The following ADAMTS17 variants were observed in gnomAD, a reference collection of about 807,000 sequenced individuals.
ADAMTS17 encodes the protein A disintegrin and metalloproteinase with thrombospondin motifs 17.
Under a neutral mutation model 141.5 loss-of-function variants are expected in ADAMTS17, and 113 were observed. The ratio of observed to expected loss-of-function variants is 0.80; its 90% CI spans 0.69 to 0.93. ADAMTS17 has a LOEUF of 0.93. Ranked by LOEUF, ADAMTS17 falls within the 40% of genes least tolerant of loss-of-function variation. The pLI, the probability that ADAMTS17 is intolerant of heterozygous loss-of-function variation, is 0.00. For synonymous variants in ADAMTS17, 768 were observed against 630.6 expected (o/e 1.22, Z -3.27); for missense variants, 1,659 against 1,517.9 (o/e 1.09, Z -1.54).
At position 99,972,036 on chromosome 15, in the gene ADAMTS17, G is replaced by C. The variant is rs1233354835; in HGVS notation, c.*2366C>G. The C allele has an allele frequency of 6.6e-6, 1 of 152,254 alleles. No individual in the cohort carries two copies. Among genetic ancestry groups the C allele is most frequent in the Non-Finnish European group, 1.5e-5 (1 of 68,076 alleles). The allele number at this position is 152,254 out of a possible 1,614,324, so 9.4% of individuals were successfully genotyped here. A position where few individuals can be genotyped will look rare whatever the true frequency, so the allele number is the denominator to read the frequency against. The stretch of plus-strand genomic sequence containing the variant: ...GAAGGCTGAGGCGGGTGGATCATGA[G>C]GTCAGGAGATCGAGACCATCCTGGC... On this transcript the variant is annotated 3_prime_UTR_variant, in exon 22 of 22. Transcript: ENST00000268070.
intron 8 of ADAMTS17, among the ~76,000 whole-genome samples, chr15:100,179,677 G>C (rs2040457983): frequency 1.3e-5 from 2 of 152,122 alleles, no homozygotes; most frequent in South Asian, 4.1e-4. Flanking sequence ...TATGAGGGTT[G>C]CCTTTTTTCC....
intron 3 of ADAMTS17, among the ~76,000 whole-genome samples, chr15:100,282,127 C>T (rs551604515): frequency 1.5e-4 from 23 of 152,302 alleles, no homozygotes; most frequent in African/African-American, 5.5e-4. Context: ...CCAAATCTGC[C>T]ATAGTCTTTG....
chr15:100,056,483 A>G (rs2032580885), intron 15 of ADAMTS17, among the ~76,000 whole-genome samples: 1 of 152,140 alleles, frequency 6.6e-6, no homozygotes, highest in African/African-American at 2.4e-5. Context: ...GAAACTTTCC[A>G]CCTCAGATCA....
intron 7 of ADAMTS17, among the ~76,000 whole-genome samples, chr15:100,232,380 G>A (rs1231647962): frequency 1.3e-5 from 2 of 152,304 alleles, no homozygotes; most frequent in African/African-American, 4.8e-5. Context: ...CCCGGGTATC[G>A]ACCCATCATC....
At chr15:100,281,427 C>G in intron 3 of ADAMTS17, 26 bp from the exon 4 acceptor site, 1 of 1,604,744 alleles carries the variant, frequency 6.2e-7, no homozygotes, top group Non-Finnish European at 8.5e-7. Flanking sequence ...AACATTTGTG[C>G]GGTCCTTGGC....
At chr15:100,222,742 C>T (rs2042173265) in intron 7 of ADAMTS17, among the ~76,000 whole-genome samples, 1 of 152,224 alleles carries the variant, frequency 6.6e-6, no homozygotes, top group South Asian at 2.1e-4. Flanking sequence ...TGCAGTATGG[C>T]AGACACTCCT....
chr15:100,130,891 A>T (rs1329888963), intron 12 of ADAMTS17, among the ~76,000 whole-genome samples: 1 of 152,232 alleles, frequency 6.6e-6, no homozygotes, highest in African/African-American at 2.4e-5. Context: ...ATTATAAATC[A>T]TTCTACCATA....
intron 7 of ADAMTS17, among the ~76,000 whole-genome samples, chr15:100,222,354 C>T (rs1175321564): frequency 1.3e-5 from 2 of 152,152 alleles, no homozygotes; most frequent in Admixed American, 6.5e-5. Context: ...TGCCAGCCCA[C>T]GTAGATGAAA....
chr15:100,334,005 T>A (rs921604899), intron 2 of ADAMTS17, among the ~76,000 whole-genome samples: 1 of 152,238 alleles, frequency 6.6e-6, no homozygotes, highest in African/African-American at 2.4e-5. Flanking sequence ...ATACTATAAG[T>A]GTGGCTCAAA....
intron 7 of ADAMTS17, among the ~76,000 whole-genome samples, chr15:100,202,913 T>G (rs2041389280): frequency 6.6e-6 from 1 of 152,264 alleles, no homozygotes; most frequent in African/African-American, 2.4e-5. Context: ...TTTTAGACCC[T>G]GCAGTGGTGC....
intron 7 of ADAMTS17, among the ~76,000 whole-genome samples, chr15:100,236,553 AC>A (rs2042661043): frequency 6.6e-6 from 1 of 151,588 alleles, no homozygotes; most frequent in African/African-American, 2.4e-5. Flanking sequence ...AAACAAACAA[AC>A]AAAAAAACGG....
intron 15 of ADAMTS17, among the ~76,000 whole-genome samples, chr15:100,077,103 T>C (rs73474498): frequency 0.039 from 5,922 of 151,712 alleles, 418 homozygotes; most frequent in African/African-American, 0.14. Flanking sequence ...GGATTCTACA[T>C]TATGATCAAA....
chr15:100,162,349 C>CTATATATAACTATATAGTTATATATATGT (rs2039729919), intron 8 of ADAMTS17, among the ~76,000 whole-genome samples: 1 of 146,792 alleles, frequency 6.8e-6, no homozygotes, highest in African/African-American at 2.5e-5. Flanking sequence ...TCCTATATAC[C>CTATATATAACTATATAGTTATATATATGT]TATATATAAC....
intron 6 of ADAMTS17, among the ~76,000 whole-genome samples, chr15:100,257,844 G>A (rs1427569775): frequency 5.3e-5 from 8 of 152,146 alleles, no homozygotes; most frequent in South Asian, 2.1e-4. Context: ...AACCATCACC[G>A]CTATCCACCT....
chr15:100,085,446 C>T (rs139916791), intron 15 of ADAMTS17, among the ~76,000 whole-genome samples: 40,363 of 138,462 alleles, frequency 0.29, 7,986 homozygotes, highest in East Asian at 0.55. Context: ...AGAACTTCCC[C>T]AATCTAGCAA....
intron 20 of ADAMTS17, among the ~76,000 whole-genome samples, chr15:99,987,698 G>C (rs544453977): frequency 1.7e-3 from 258 of 152,324 alleles, no homozygotes; most frequent in Non-Finnish European, 3.2e-3. Context: ...TCTCCAGGGA[G>C]TAAGGACATG....
chr15:100,015,677 G>C lies in ADAMTS17; in HGVS notation c.2592-18088C>G, dbSNP rs181113775. ...TTGGCTGATAATTGTTTTGTTTGAGGAGGCTGAAGATAGGGCCCCAATCTC... is the reference window on the plus strand; with the variant it reads ...TTGGCTGATAATTGTTTTGTTTGAGCAGGCTGAAGATAGGGCCCCAATCTC... On this transcript the variant is annotated intron_variant, in intron 18 of 21. Transcript: ENST00000268070. 2.1e-3 allele frequency among the ~76,000 whole-genome samples: 322 copies of C among 152,264 alleles called. 2 individuals are homozygous for C. Among genetic ancestry groups the C allele is most frequent in the Admixed American group, 4.6e-3 (71 of 15,290 alleles).
At chr15:100,081,893 C>A (rs1037976149) in intron 15 of ADAMTS17, among the ~76,000 whole-genome samples, 6 of 152,144 alleles carry the variant, frequency 3.9e-5, no homozygotes, top group Non-Finnish European at 8.8e-5. Context: ...TTAAGCTTTG[C>A]CCATTTTTCT....
chr15:100,178,841 T>G (rs1016539164), intron 8 of ADAMTS17, among the ~76,000 whole-genome samples: 4 of 152,194 alleles, frequency 2.6e-5, no homozygotes, highest in African/African-American at 9.7e-5. Context: ...TGAGAATTAT[T>G]TCAACACTTA....
Sources: gnomAD v4.1 joint callset for allele counts (sites outside exome capture counted in the v4.1 genomes callset) on GRCh38, gnomAD v4.1.1 for gene constraint, MANE v1.5 for transcripts, NCBI Gene and HGNC (gene_info 2026-07-23, HGNC 2026-07-21) for gene names.